Variants in DNAAF5 observed in about 807,000 individuals in gnomAD.
DNAAF5 encodes the protein dynein axonemal assembly factor 5, also known as HEAT repeat containing 2.
Under a neutral mutation model 75.8 loss-of-function variants are expected in DNAAF5, and 64 were observed. The ratio of observed to expected loss-of-function variants is 0.84; its 90% CI spans 0.69 to 1.04. The LOEUF (loss-of-function observed/expected upper bound fraction) is 1.04. Ranked by LOEUF, DNAAF5 falls within the 50% of genes least tolerant of loss-of-function variation. The pLI is 0.00. For missense variants in DNAAF5, 1,269 were observed against 1,178.5 expected (o/e 1.08, Z -1.12); for synonymous variants, 657 against 557.2 (o/e 1.18, Z -2.52).
In DNAAF5 at chr7:743,335, C is replaced by T. The variant is rs910000827; in HGVS notation, c.1024+1870C>T. Reference sequence around the variant, plus strand: ...GGCTGCGGTGAGCTATGACCACACCCCTGCACTCCAGCCTGGGTGACAGAG... The same window carrying T: ...GGCTGCGGTGAGCTATGACCACACCTCTGCACTCCAGCCTGGGTGACAGAG... On this transcript the variant is annotated intron_variant, in intron 4 of 12. Transcript: ENST00000297440. Among the ~76,000 whole-genome samples the T allele has an allele frequency of 2.0e-5, 3 of 151,974 alleles. No individual in the cohort carries two copies. In the South Asian group the frequency reaches 6.2e-4, roughly 32 times the overall value.
intron 12 of DNAAF5, among the ~76,000 whole-genome samples, chr7:781,553 T>G (rs552696824): frequency 6.7e-6 from 1 of 148,958 alleles, no homozygotes; most frequent in East Asian, 1.9e-4. Context: ...ATTGCCGGGC[T>G]GTATGGGGCT....
chr7:761,750 C>T lies in DNAAF5; in HGVS notation c.1471-3C>T, dbSNP rs543219185. 4 of 1,600,104 alleles carry T rather than the reference C, an allele frequency of 2.5e-6. No individual in the cohort carries two copies. The highest frequency in any genetic ancestry group is 3.4e-5 in the Admixed American group (2 of 58,350). ...CTCTGACGGTGCTGCCGGTCTCTTC[C>T]AGGACCTCTACCTGGAGCGCCTGCT... is the stretch of plus-strand genomic sequence containing the variant. On this transcript the variant is annotated splice_region_variant and splice_polypyrimidine_tract_variant and intron_variant, in intron 6 of 12. Coordinates refer to ENST00000297440, the MANE Select transcript of DNAAF5 (RefSeq NM_017802.4).
At chr7:739,584 G>A (rs1020571037) in intron 2 of DNAAF5, among the ~76,000 whole-genome samples, 3 of 152,358 alleles carry the variant, frequency 2.0e-5, no homozygotes, top group East Asian at 1.9e-4. Flanking sequence ...GTGCTTCCCT[G>A]CTGCTCGCAC....
intron 9 of DNAAF5, chr7:771,919 T>C (rs1368760184): frequency 6.6e-6 from 1 of 152,168 alleles, no homozygotes; most frequent in East Asian, 1.9e-4. Context: ...ATGGCAGTGA[T>C]TTTAATGAAC....
At chr7:737,840 C>G (rs1781784999) in intron 2 of DNAAF5, among the ~76,000 whole-genome samples, 1 of 152,114 alleles carries the variant, frequency 6.6e-6, no homozygotes, top group Non-Finnish European at 1.5e-5. Context: ...CTTTTAGAAC[C>G]CTTTCTTCAT....
chr7:739,796 C>T (rs1275049551), intron 2 of DNAAF5, among the ~76,000 whole-genome samples: 2 of 152,140 alleles, frequency 1.3e-5, no homozygotes, highest in East Asian at 3.9e-4. Flanking sequence ...ATCCTAGGTG[C>T]GTCTGCTTGG....
intron 4 of DNAAF5, among the ~76,000 whole-genome samples, chr7:751,117 C>T (rs1583492139): frequency 6.6e-6 from 1 of 152,116 alleles, no homozygotes; most frequent in Non-Finnish European, 1.5e-5. Context: ...CACCATTGCA[C>T]TCCAGCCTGG....
At chr7:767,879 T>C (rs1370647155) in intron 8 of DNAAF5, among the ~76,000 whole-genome samples, 1 of 146,104 alleles carries the variant, frequency 6.8e-6, no homozygotes, top group Non-Finnish European at 1.5e-5. Context: ...GGCAGACACA[T>C]GGTCCGGTGG....
intron 2 of DNAAF5, 75 bp from the exon 3 acceptor site, chr7:740,744 C>A (rs948893887): frequency 2.5e-6 from 4 of 1,581,570 alleles, no homozygotes; most frequent in Non-Finnish European, 2.6e-6. Flanking sequence ...TGGCAGCACT[C>A]AGAGCCGCAC....
chr7:733,145 G>A (rs1234250470), intron 2 of DNAAF5, among the ~76,000 whole-genome samples: 1 of 152,156 alleles, frequency 6.6e-6, no homozygotes, highest in Non-Finnish European at 1.5e-5. Context: ...CTGTGTGTCT[G>A]TTTTTATGCC....
At chr7:765,006 A>G (rs1222340427) in intron 8 of DNAAF5, among the ~76,000 whole-genome samples, 4 of 152,178 alleles carry the variant, frequency 2.6e-5, no homozygotes, top group South Asian at 2.1e-4. Context: ...CTGTGGCCCC[A>G]GCTACTCAGG....
At chr7:774,893 G>A (rs1003203434) in intron 10 of DNAAF5, 113 bp from the exon 11 acceptor site, 10 of 860,400 alleles carry the variant, frequency 1.2e-5, no homozygotes, top group South Asian at 9.5e-5. Context: ...TACTTTTTAG[G>A]TAAAGCTTTC....
chr7:744,866 G>A lies in DNAAF5; in HGVS notation c.1024+3401G>A, dbSNP rs563161445. ...GATCCGCCTGCCTCAGCCTCCCAAA[G>A]TGCTGGTATTACAGAGGTGAGCCAC... On this transcript the variant is annotated intron_variant, in intron 4 of 12. Transcript: ENST00000297440. Among the ~76,000 whole-genome samples the A allele has an allele frequency of 5.3e-5, 8 of 152,178 alleles. No homozygotes were observed. The South Asian group carries it at 1.7e-3, about 32-fold the overall frequency.
At chr7:773,066 C>G (rs1478256589) in intron 9 of DNAAF5, 1 of 152,198 alleles carries the variant, frequency 6.6e-6, no homozygotes, top group Non-Finnish European at 1.5e-5. Context: ...GCCAGGACTT[C>G]CAGGCCATTT....
At position 727,559 on chromosome 7, in the gene DNAAF5, A is replaced by C. The variant is rs1331678287; in HGVS notation, c.595+244A>C. 13 of 236,862 alleles carry C rather than the reference A, an allele frequency of 5.5e-5. No homozygotes were observed. The South Asian group carries it at 1.9e-3, about 35-fold the overall frequency. 14.7% of individuals were successfully genotyped at this position (236,862 alleles called of 1,614,324 possible). A position where few individuals can be genotyped will look rare whatever the true frequency, so the allele number is the denominator to read the frequency against. Reference sequence around the variant, plus strand: ...ACGTCCCGCCACCAACGCGCCCTTCAGCTGCTCCCTTGTCCTCTACCCCCA... The same window carrying C: ...ACGTCCCGCCACCAACGCGCCCTTCCGCTGCTCCCTTGTCCTCTACCCCCA... On this transcript the variant is annotated intron_variant, in intron 1 of 12. Coordinates refer to ENST00000297440, the MANE Select transcript of DNAAF5 (RefSeq NM_017802.4).
chr7:733,523 G>A (rs1216235250), intron 2 of DNAAF5, among the ~76,000 whole-genome samples: 1 of 151,970 alleles, frequency 6.6e-6, no homozygotes, highest in Non-Finnish European at 1.5e-5. Flanking sequence ...TTTTGAGACA[G>A]TCTCGCTCTG....
intron 12 of DNAAF5, among the ~76,000 whole-genome samples, chr7:783,586 C>T (rs1047824737): frequency 5.9e-5 from 9 of 152,310 alleles, no homozygotes; most frequent in Admixed American, 2.6e-4. Context: ...CACGGCGGGG[C>T]CCGTGGTCTC....
intron 4 of DNAAF5, among the ~76,000 whole-genome samples, chr7:752,150 A>T (rs577585051): frequency 6.6e-6 from 1 of 152,368 alleles, no homozygotes; most frequent in East Asian, 1.9e-4. Context: ...GAAGGCTCAA[A>T]GACCATTTAA....
At chr7:743,681 G>A (rs1447891676) in intron 4 of DNAAF5, among the ~76,000 whole-genome samples, 1 of 126,778 alleles carries the variant, frequency 7.9e-6, no homozygotes, top group African/African-American at 3.0e-5. Flanking sequence ...TTTCACTCTT[G>A]TTGCCCAGGC....
Sources: gnomAD v4.1 joint callset for allele counts (sites outside exome capture counted in the v4.1 genomes callset) on GRCh38, gnomAD v4.1.1 for gene constraint, MANE v1.5 for transcripts, NCBI Gene and HGNC (gene_info 2026-07-23, HGNC 2026-07-21) for gene names.